The following COL25A1 variants were observed in gnomAD, a reference collection of about 807,000 sequenced individuals.
COL25A1 encodes the protein collagen type XXV alpha 1 chain, also known as collagen alpha-1(XXV) chain.
A neutral mutation model predicts 128.4 loss-of-function variants in COL25A1; 103 were observed. The ratio of observed to expected loss-of-function variants is 0.80; its 90% CI spans 0.68 to 0.94. The LOEUF is 0.94. Ranked by LOEUF, COL25A1 falls within the 40% of genes least tolerant of loss-of-function variation. COL25A1 has a pLI of 0.00. For synonymous variants in COL25A1, 279 were observed against 277.2 expected (o/e 1.01, Z -0.06); for missense variants, 745 against 840.0 (o/e 0.89, Z 1.40).
intron 3 of COL25A1, among the ~76,000 whole-genome samples, chr4:109,163,665 C>T (rs1772797102): frequency 6.6e-6 from 1 of 152,142 alleles, no homozygotes; most frequent in Non-Finnish European, 1.5e-5. Context: ...TGGCAGGTAA[C>T]TGAAGTCTGA....
At chr4:109,023,406 A>C (rs1360099613) in intron 5 of COL25A1, among the ~76,000 whole-genome samples, 1 of 152,252 alleles carries the variant, frequency 6.6e-6, no homozygotes, top group Non-Finnish European at 1.5e-5. Flanking sequence ...ATATGTGAAC[A>C]CATCCAAAGG....
chr4:109,009,939 T>C (rs1336531637), intron 6 of COL25A1, among the ~76,000 whole-genome samples: 1 of 152,216 alleles, frequency 6.6e-6, no homozygotes, highest in East Asian at 1.9e-4. Context: ...TCAATATCTG[T>C]CTATAATGAA....
At chr4:108,851,853 G>A (rs1047256034) in intron 26 of COL25A1, among the ~76,000 whole-genome samples, 3 of 152,056 alleles carry the variant, frequency 2.0e-5, no homozygotes, top group Non-Finnish European at 4.4e-5. Context: ...AGCATTAGAA[G>A]CAAGGATCTT....
chr4:109,198,192 C>G (rs1776276332), intron 3 of COL25A1, among the ~76,000 whole-genome samples: 1 of 151,804 alleles, frequency 6.6e-6, no homozygotes, highest in African/African-American at 2.4e-5. Context: ...TAACCCAACA[C>G]AAGACAGGCC....
intron 13 of COL25A1, among the ~76,000 whole-genome samples, chr4:108,902,533 T>C (rs1483136366): frequency 6.6e-6 from 1 of 151,990 alleles, no homozygotes; most frequent in Non-Finnish European, 1.5e-5. Context: ...GTCCCACTTA[T>C]AAATGACTGT....
At chr4:108,883,992 C>T (rs963558581) in intron 19 of COL25A1, among the ~76,000 whole-genome samples, 186 bp downstream of exon 19, 2 of 152,068 alleles carry the variant, frequency 1.3e-5, no homozygotes, top group African/African-American at 4.8e-5. Context: ...TCCATATTGC[C>T]ATGGCAAACT....
chr4:109,160,484 A>G (rs754914043), intron 3 of COL25A1, among the ~76,000 whole-genome samples: 2 of 152,202 alleles, frequency 1.3e-5, no homozygotes, highest in African/African-American at 2.4e-5. Flanking sequence ...TTGTTTTTAA[A>G]TTGAAGGTAA....
intron 3 of COL25A1, among the ~76,000 whole-genome samples, chr4:109,243,915 G>A (rs1780074915): frequency 6.6e-6 from 1 of 151,978 alleles, no homozygotes; most frequent in African/African-American, 2.4e-5. Context: ...TGCATCTGTT[G>A]AGCATGTAGA....
At chr4:109,064,315 A>T (rs1762229465) in intron 3 of COL25A1, among the ~76,000 whole-genome samples, 2 of 152,176 alleles carry the variant, frequency 1.3e-5, no homozygotes, top group South Asian at 4.1e-4. Flanking sequence ...TTTACAATTG[A>T]AGATTTGTCC....
At chr4:109,211,553 C>T (rs1227387201) in intron 3 of COL25A1, among the ~76,000 whole-genome samples, 1 of 150,902 alleles carries the variant, frequency 6.6e-6, no homozygotes, top group Non-Finnish European at 1.5e-5. Flanking sequence ...CTTAAATTAC[C>T]TGGCATTGTC....
At chr4:108,849,479 T>C (rs1735519682) in intron 26 of COL25A1, among the ~76,000 whole-genome samples, 1 of 152,220 alleles carries the variant, frequency 6.6e-6, no homozygotes, top group African/African-American at 2.4e-5. Context: ...AAACTCAAAA[T>C]ATAGAGATTT....
intron 3 of COL25A1, among the ~76,000 whole-genome samples, chr4:109,274,960 G>C (rs747096931): frequency 1.3e-5 from 2 of 152,074 alleles, no homozygotes; most frequent in Non-Finnish European, 2.9e-5. Context: ...CAGAGTTTTT[G>C]GTTATTGAAC....
At chr4:108,849,283 TCAAA>T (rs1411792797) in intron 26 of COL25A1, among the ~76,000 whole-genome samples, 2 of 152,220 alleles carry the variant, frequency 1.3e-5, no homozygotes, top group Non-Finnish European at 1.5e-5. Flanking sequence ...TTGGCACAGT[TCAAA>T]CAGTTAGTTA....
In COL25A1 at chr4:109,138,803, G is replaced by A. The variant is rs578106990; in HGVS notation, c.368-88624C>T. On this transcript the variant is annotated intron_variant, in intron 3 of 37. Transcript: ENST00000399132. ...AGCTCAGGCAAGCTCCACATCCTGGGTTCACGCCATTCTCCTGCCTCAGCC... is the reference window on the plus strand; with the variant it reads ...AGCTCAGGCAAGCTCCACATCCTGGATTCACGCCATTCTCCTGCCTCAGCC... Among the ~76,000 whole-genome samples, 3 of 152,208 alleles carry A rather than the reference G, an allele frequency of 2.0e-5. No individual in the cohort carries two copies. The South Asian group carries it at 6.2e-4, about 32-fold the overall frequency.
At chr4:109,248,463 C>T (rs1452518573) in intron 3 of COL25A1, among the ~76,000 whole-genome samples, 4 of 152,172 alleles carry the variant, frequency 2.6e-5, no homozygotes, top group Non-Finnish European at 5.9e-5. Flanking sequence ...GCAGTGAAGA[C>T]AAGGAATCCA....
In COL25A1 at chr4:108,808,821, TAA is replaced by T. The variant is rs1195182825; in HGVS notation, c.*5104_*5105del. The T allele has an allele frequency of 6.6e-6, 1 of 152,138 alleles. No individual in the cohort carries two copies. The highest frequency in any genetic ancestry group is 1.5e-5 in the Non-Finnish European group (1 of 68,018). The allele number at this position is 152,138 out of a possible 1,614,324, so 9.4% of individuals were successfully genotyped here. ...TTACACACTTTTTACATTATGAAAA[TAA>T]GTCATAAATAGTGTAAAAATAATTC... On this transcript the variant is annotated 3_prime_UTR_variant, in exon 38 of 38. Coordinates refer to ENST00000399132, the MANE Select transcript of COL25A1 (RefSeq NM_198721.4).
At chr4:109,283,707 A>C (rs1300653437) in intron 3 of COL25A1, among the ~76,000 whole-genome samples, 4 of 152,244 alleles carry the variant, frequency 2.6e-5, no homozygotes, top group Non-Finnish European at 5.9e-5. Flanking sequence ...ACTTTAGTCC[A>C]ACCCAGAGTA....
At chr4:109,278,733 T>C (rs1016414252) in intron 3 of COL25A1, among the ~76,000 whole-genome samples, 2 of 152,230 alleles carry the variant, frequency 1.3e-5, no homozygotes, top group Non-Finnish European at 2.9e-5. Flanking sequence ...AATGTTCACT[T>C]CCCTTAAAGG....
At chr4:109,146,073 T>A (rs1221084877) in intron 3 of COL25A1, among the ~76,000 whole-genome samples, 1 of 152,156 alleles carries the variant, frequency 6.6e-6, no homozygotes, top group Non-Finnish European at 1.5e-5. Context: ...TCAAATAAAT[T>A]CTTCATTAAC....
Sources: gnomAD v4.1 joint callset for allele counts (sites outside exome capture counted in the v4.1 genomes callset) on GRCh38, gnomAD v4.1.1 for gene constraint, MANE v1.5 for transcripts, NCBI Gene and HGNC (gene_info 2026-07-23, HGNC 2026-07-21) for gene names.